Variants in CDH11 observed in about 807,000 individuals in gnomAD.
The protein encoded by CDH11 is cadherin-11.
Under a neutral mutation model 67.8 loss-of-function variants are expected in CDH11, and 11 were observed. That is an observed-to-expected ratio of 0.16 (90% CI 0.10 to 0.27). The LOEUF is 0.27. Ranked by LOEUF, CDH11 falls within the 10% of genes least tolerant of loss-of-function variation. The pLI is 1.00. For missense variants in CDH11, 847 were observed against 1,031.2 expected (o/e 0.82, Z 2.45); for synonymous variants, 419 against 400.0 (o/e 1.05, Z -0.57).
chr16:65,020,561 C>T (rs2073403512), intron 2 of CDH11, among the ~76,000 whole-genome samples: 1 of 152,148 alleles, frequency 6.6e-6, no homozygotes, highest in Non-Finnish European at 1.5e-5. Context: ...GAACTCCCGA[C>T]CTCAAGTGAT....
intron 1 of CDH11, among the ~76,000 whole-genome samples, chr16:65,076,799 T>A (rs191924882): frequency 6.0e-4 from 91 of 152,070 alleles, no homozygotes; most frequent in African/African-American, 2.1e-3. Flanking sequence ...TGTTCCTGTG[T>A]TAATTTGCTG....
intron 11 of CDH11, among the ~76,000 whole-genome samples, chr16:64,955,489 G>A (rs980537329): frequency 3.2e-4 from 49 of 151,716 alleles, no homozygotes; most frequent in African/African-American, 1.2e-3. Flanking sequence ...CTGTAATCTC[G>A]ACACTTTGGG....
At chr16:65,056,259 T>C (rs2074140618) in intron 1 of CDH11, among the ~76,000 whole-genome samples, 1 of 152,200 alleles carries the variant, frequency 6.6e-6, no homozygotes, top group South Asian at 2.1e-4. Context: ...AGAAGCTGTA[T>C]GGCTGGAGAG....
intron 1 of CDH11, among the ~76,000 whole-genome samples, chr16:65,067,114 A>C (rs2074325211): frequency 6.6e-6 from 1 of 152,060 alleles, no homozygotes; most frequent in Admixed American, 6.5e-5. Context: ...CAGAAGCTCT[A>C]CTTTATCCAT....
intron 11 of CDH11, among the ~76,000 whole-genome samples, chr16:64,966,677 G>A (rs1165764773): frequency 7.3e-6 from 1 of 137,604 alleles, no homozygotes. Context: ...TAAGAAAGAA[G>A]AAAAGATAAG....
intron 11 of CDH11, among the ~76,000 whole-genome samples, chr16:64,965,288 A>G (rs1489084410): frequency 1.3e-5 from 2 of 150,928 alleles, no homozygotes; most frequent in South Asian, 2.1e-4. Context: ...AGTCTGAGGC[A>G]GGAGAATTGC....
At chr16:65,123,494 A>G (rs1443251807), upstream of CDH11, among the ~76,000 whole-genome samples, 1 of 152,058 alleles carries the variant, frequency 6.6e-6, no homozygotes, top group South Asian at 2.1e-4. Flanking sequence ...AAAGCTTGGG[A>G]TCCTGAGCGC....
rs1191647913 is a variant in CDH11 at position 64,945,619 on chromosome 16, TATTGAG to T, written c.*1978_*1983del. ...TGAACACAACCTGCAATTATGGAAG[TATTGAG>T]AATGTGTAATCCTTCACTGAGATGA... On this transcript the variant is annotated 3_prime_UTR_variant, in exon 13 of 13. Transcript: ENST00000268603. 2.9e-6 allele frequency: 3 copies of T among 1,035,116 alleles called. No homozygotes were observed. The African/African-American group carries it at 5.0e-5, about 17-fold the overall frequency. The allele number at this position is 1,035,116 out of a possible 1,614,324, so 64.1% of individuals were successfully genotyped here.
At chr16:65,063,142 A>G (rs1416798493) in intron 1 of CDH11, among the ~76,000 whole-genome samples, 2 of 152,240 alleles carry the variant, frequency 1.3e-5, no homozygotes, top group East Asian at 3.8e-4. Flanking sequence ...TAATATTTTC[A>G]TAGGAAGCTT....
At chr16:65,009,838 T>C (rs952832010) in intron 2 of CDH11, among the ~76,000 whole-genome samples, 4 of 152,182 alleles carry the variant, frequency 2.6e-5, no homozygotes, top group Non-Finnish European at 5.9e-5. Flanking sequence ...GGAAAATAGA[T>C]GTGCAAAGCC....
chr16:64,954,711 C>G (rs1318519470), intron 11 of CDH11, among the ~76,000 whole-genome samples: 1 of 152,044 alleles, frequency 6.6e-6, no homozygotes, highest in Non-Finnish European at 1.5e-5. Context: ...GTTCCAGGAC[C>G]AATGGGAGTG....
chr16:65,078,933 T>C (rs1474000768), intron 1 of CDH11, among the ~76,000 whole-genome samples: 1 of 152,142 alleles, frequency 6.6e-6, no homozygotes, highest in African/African-American at 2.4e-5. Context: ...TAAAAATAAT[T>C]TAAAAATAAA....
intron 4 of CDH11, among the ~76,000 whole-genome samples, chr16:64,996,404 C>T (rs1022405209): frequency 6.6e-6 from 1 of 150,716 alleles, no homozygotes; most frequent in South Asian, 2.1e-4. Flanking sequence ...GCAGGAGAAT[C>T]GTTTGAACCC....
intron 2 of CDH11, among the ~76,000 whole-genome samples, chr16:65,007,547 TA>T (rs1413055884): frequency 2.0e-5 from 3 of 152,178 alleles, no homozygotes; most frequent in Admixed American, 6.5e-5. Flanking sequence ...GGTTAGATGC[TA>T]AAATGAGGCT....
chr16:65,035,728 C>T (rs1597117694), intron 2 of CDH11, among the ~76,000 whole-genome samples: 1 of 152,256 alleles, frequency 6.6e-6, no homozygotes, highest in East Asian at 1.9e-4. Context: ...TTTTACACAT[C>T]AGCCAACAAA....
chr16:64,962,288 C>T (rs1341079381), intron 11 of CDH11, among the ~76,000 whole-genome samples: 1 of 152,058 alleles, frequency 6.6e-6, no homozygotes, highest in Non-Finnish European at 1.5e-5. Flanking sequence ...TTGGAAGTCA[C>T]CTCTCCATCC....
In CDH11 at chr16:64,988,318, C is replaced by T. The variant is rs781216978; in HGVS notation, c.838G>A (p.Ala280Thr). The change falls in exon 7 of 13, where the codon GCA (alanine) becomes ACA (threonine). Residue 280 changes from alanine to threonine, a missense_variant. This residue lies in a region of CDH11 where 612 missense variants were observed against 678.7 expected (regional missense o/e 0.90). Transcript: ENST00000268603. ...CCTACTTCCTCCCCAGGGACGGCTG[C>T]TTCTGACACAGACATCTGGTATACG... ...QSVYQMSVSEAAVPGEEVGRV... is the reference protein window; with the variant it reads ...QSVYQMSVSETAVPGEEVGRV... 2 of 1,613,148 alleles carry T rather than the reference C, an allele frequency of 1.2e-6. No individual in the cohort carries two copies. The highest frequency in any genetic ancestry group is 1.7e-6 in the Non-Finnish European group (2 of 1,179,526).
chr16:65,079,200 A>G (rs1388885904), intron 1 of CDH11, among the ~76,000 whole-genome samples: 2 of 152,200 alleles, frequency 1.3e-5, no homozygotes, highest in African/African-American at 4.8e-5. Context: ...AGTGACTACT[A>G]GTAGACAGAT....
chr16:64,967,457 C>A (rs1233496702), intron 11 of CDH11, among the ~76,000 whole-genome samples: 1 of 152,108 alleles, frequency 6.6e-6, no homozygotes, highest in African/African-American at 2.4e-5. Flanking sequence ...TGAGCTCAGG[C>A]AATCCATCTG....
Sources: gnomAD v4.1 joint callset for allele counts (sites outside exome capture counted in the v4.1 genomes callset) on GRCh38, gnomAD v4.1.1 for gene constraint, gnomAD v4.1.1 regional missense constraint, MANE v1.5 for transcripts, NCBI Gene and HGNC (gene_info 2026-07-23, HGNC 2026-07-21) for gene names.